AFAP1: variants seen among roughly 807,000 people sequenced by gnomAD.
AFAP1 encodes the protein actin filament associated protein 1.
A neutral mutation model predicts 93.9 loss-of-function variants in AFAP1; 75 were observed. The ratio of observed to expected loss-of-function variants is 0.80; its 90% CI spans 0.66 to 0.97. The LOEUF (loss-of-function observed/expected upper bound fraction) is 0.97, where lower values mean the gene tolerates loss of function less well. AFAP1 is among the 50% of genes least tolerant of loss of function. The pLI, the probability that AFAP1 is intolerant of heterozygous loss-of-function variation, is 0.00. For synonymous variants in AFAP1, 517 were observed against 430.7 expected (o/e 1.20, Z -2.48); for missense variants, 1,201 against 1,050.8 (o/e 1.14, Z -1.98).
chr4:7,848,097 AAAG>A (rs1255114467), intron 4 of AFAP1, among the ~76,000 whole-genome samples: 2 of 92,894 alleles, frequency 2.2e-5, no homozygotes, highest in Non-Finnish European at 4.9e-5. Flanking sequence ...GGAGGGAAGG[AAAG>A]AAGGAAGGAA....
At chr4:7,913,845 G>C (rs1560233706) in intron 1 of AFAP1, among the ~76,000 whole-genome samples, 1 of 152,130 alleles carries the variant, frequency 6.6e-6, no homozygotes. Context: ...GAAAAAGCTA[G>C]CTGCTTCATA....
chr4:7,906,323 G>A (rs2149221552), intron 1 of AFAP1, among the ~76,000 whole-genome samples: 1 of 152,328 alleles, frequency 6.6e-6, no homozygotes, highest in Non-Finnish European at 1.5e-5. Context: ...CAGAACTGCT[G>A]AGGGAATAAA....
At chr4:7,862,656 G>A (rs1374240661) in intron 3 of AFAP1, among the ~76,000 whole-genome samples, 3 of 152,118 alleles carry the variant, frequency 2.0e-5, no homozygotes, top group African/African-American at 7.2e-5. Flanking sequence ...GCATAAAAAG[G>A]CATCACATTT....
chr4:7,927,985 C>T (rs1244256145), intron 1 of AFAP1, among the ~76,000 whole-genome samples: 1 of 152,150 alleles, frequency 6.6e-6, no homozygotes, highest in Admixed American at 6.5e-5. Flanking sequence ...AATGCTCTTT[C>T]GTATGATCTA....
At chr4:7,766,076 C>T (rs1714527750) in intron 17 of AFAP1, among the ~76,000 whole-genome samples, 1 of 152,248 alleles carries the variant, frequency 6.6e-6, no homozygotes, top group African/African-American at 2.4e-5. Flanking sequence ...AAATCAAAAG[C>T]TCGAGTTCAA....
chr4:7,790,744 T>G (rs1405559136), intron 11 of AFAP1, among the ~76,000 whole-genome samples: 1 of 152,158 alleles, frequency 6.6e-6, no homozygotes, highest in Admixed American at 6.5e-5. Flanking sequence ...TTTTGCTGAT[T>G]AGAAAGAATA....
At chr4:7,799,946 T>C (rs1172933309) in intron 10 of AFAP1, among the ~76,000 whole-genome samples, 2 of 152,190 alleles carry the variant, frequency 1.3e-5, no homozygotes, top group South Asian at 2.1e-4. Flanking sequence ...TGTGGCTCAC[T>C]GGCCGCCGTC....
rs1459646886 is a variant in AFAP1 at position 7,868,655 on chromosome 4, C to G, written c.192G>C (p.Gln64His). 1.2e-6 allele frequency: 2 copies of G among 1,613,138 alleles called. No homozygotes were observed. The highest frequency in any genetic ancestry group is 2.2e-5 in the East Asian group (1 of 44,868). The change falls in exon 3 of 18, where the codon CAG (glutamine) becomes CAC (histidine). Residue 64 changes from glutamine (Q) to histidine (H), a missense_variant. Gln to His is a conservative substitution (Grantham distance 24). Coordinates refer to ENST00000420658, the MANE Select transcript of AFAP1 (RefSeq NM_001134647.2). ...ETANSLPAPP[Q>H]MPLPEIPQPW... Reference sequence around the variant, plus strand: ...GCTGAGGGATCTCCGGCAGGGGCATCTGAGGAGGGGCTGGCAGGCTGTTAG... The same window carrying G: ...GCTGAGGGATCTCCGGCAGGGGCATGTGAGGAGGGGCTGGCAGGCTGTTAG...
intron 4 of AFAP1, among the ~76,000 whole-genome samples, chr4:7,854,221 A>G (rs1714779857): frequency 1.3e-5 from 2 of 152,224 alleles, no homozygotes; most frequent in African/African-American, 4.8e-5. Flanking sequence ...GTCTTCTTAA[A>G]GAGTTGGTAA....
At chr4:7,921,386 C>T (rs1577361219) in intron 1 of AFAP1, among the ~76,000 whole-genome samples, 1 of 151,828 alleles carries the variant, frequency 6.6e-6, no homozygotes, top group South Asian at 2.1e-4. Context: ...GGTTTCACCA[C>T]GTTGGCCAGG....
At chr4:7,918,159 CA>C (rs1314485500) in intron 1 of AFAP1, among the ~76,000 whole-genome samples, 1 of 151,916 alleles carries the variant, frequency 6.6e-6, no homozygotes, top group African/African-American at 2.4e-5. Context: ...CCCAGATCAC[CA>C]GGAAACCGGG....
chr4:7,786,344 C>A (rs1329973298), intron 11 of AFAP1, 33 bp from the exon 12 acceptor site: 2 of 1,556,016 alleles, frequency 1.3e-6, no homozygotes, highest in South Asian at 2.2e-5. Context: ...AAATCCATAA[C>A]CTGACCACCT....
intron 1 of AFAP1, among the ~76,000 whole-genome samples, chr4:7,873,651 A>G (rs1158344977): frequency 6.6e-6 from 1 of 152,022 alleles, no homozygotes; most frequent in Admixed American, 6.6e-5. Flanking sequence ...CCCGACCAAC[A>G]CACACCTTTT....
At chr4:7,845,753 C>T (rs1414432430) in intron 4 of AFAP1, among the ~76,000 whole-genome samples, 2 of 152,192 alleles carry the variant, frequency 1.3e-5, no homozygotes, top group East Asian at 3.9e-4. Flanking sequence ...GCACCCCCTG[C>T]TTCACAGGGC....
intron 10 of AFAP1, among the ~76,000 whole-genome samples, chr4:7,794,565 AG>A (rs1242219431): frequency 1.3e-5 from 2 of 152,032 alleles, no homozygotes; most frequent in Non-Finnish European, 2.9e-5. Flanking sequence ...TCTGTTACCC[AG>A]GCTGGAGTGC....
intron 1 of AFAP1, among the ~76,000 whole-genome samples, chr4:7,880,776 C>T (rs776565725): frequency 5.3e-5 from 8 of 152,300 alleles, no homozygotes; most frequent in Middle Eastern, 6.8e-3. Flanking sequence ...TGTCTGTCTC[C>T]GCTCTCCTAC....
At chr4:7,861,294 C>T (rs142038031) in intron 3 of AFAP1, among the ~76,000 whole-genome samples, 61 of 152,326 alleles carry the variant, frequency 4.0e-4, no homozygotes, top group African/African-American at 1.5e-3. Context: ...GCATTCATGC[C>T]ATCATCTAAA....
chr4:7,847,797 G>GGGC (rs60229641), intron 4 of AFAP1, among the ~76,000 whole-genome samples: 11 of 150,444 alleles, frequency 7.3e-5, no homozygotes, highest in Non-Finnish European at 1.2e-4. Context: ...GGTACTCGGG[G>GGGC]TGGGGCATTG....
intron 1 of AFAP1, among the ~76,000 whole-genome samples, chr4:7,887,434 T>C (rs904043459): frequency 6.6e-6 from 1 of 152,162 alleles, no homozygotes; most frequent in Non-Finnish European, 1.5e-5. Context: ...TAACCAACAA[T>C]TTTATGTCAA....
Sources: gnomAD v4.1 joint callset for allele counts (sites outside exome capture counted in the v4.1 genomes callset) on GRCh38, gnomAD v4.1.1 for gene constraint, MANE v1.5 for transcripts, NCBI Gene and HGNC (gene_info 2026-07-23, HGNC 2026-07-21) for gene names.